The following DPYD variants were observed in gnomAD, a reference collection of about 807,000 sequenced individuals.
DPYD encodes the protein dihydropyrimidine dehydrogenase [NADP(+)].
A neutral mutation model predicts 116.2 loss-of-function variants in DPYD; 109 were observed. That is an observed-to-expected ratio of 0.94 (90% CI 0.80 to 1.10). The LOEUF (loss-of-function observed/expected upper bound fraction) is 1.10, where lower values mean the gene tolerates loss of function less well. Among genes scored for constraint, DPYD ranks in the 50% least tolerant of loss-of-function variants. DPYD has a pLI of 0.00. For synonymous variants in DPYD, 440 were observed against 432.0 expected, an observed-to-expected ratio of 1.02 and a Z score of -0.23; for missense variants, 1,302 against 1,254.5, an observed-to-expected ratio of 1.04 and a Z score of -0.57.
chr1:97,083,141 T>TAA (rs1467088319), intron 21 of DPYD, among the ~76,000 whole-genome samples: 1 of 152,196 alleles, frequency 6.6e-6, no homozygotes, highest in Non-Finnish European at 1.5e-5. Flanking sequence ...ATTGCTTTGT[T>TAA]CTTCATACTA....
intron 3 of DPYD, among the ~76,000 whole-genome samples, chr1:97,817,145 C>CAGAT (rs1252380174): frequency 4.6e-5 from 7 of 152,100 alleles, no homozygotes; most frequent in Non-Finnish European, 1.0e-4. Flanking sequence ...ATATGGTCTA[C>CAGAT]AGATGCCTTT....
At chr1:97,721,469 G>T in intron 5 of DPYD, 41 bp downstream of exon 5, 3 of 1,607,114 alleles carry the variant, frequency 1.9e-6, no homozygotes, top group South Asian at 2.2e-5. Flanking sequence ...TTTGTGCATG[G>T]TGATGGTAGT....
chr1:97,323,506 A>T (rs962105378), intron 16 of DPYD, among the ~76,000 whole-genome samples: 31 of 50,662 alleles, frequency 6.1e-4, no homozygotes, highest in Non-Finnish European at 1.3e-3. Flanking sequence ...TATCATATGT[A>T]CATATGTGTA....
intron 11 of DPYD, among the ~76,000 whole-genome samples, chr1:97,568,271 A>G (rs1652671162): frequency 6.6e-6 from 1 of 152,194 alleles, no homozygotes; most frequent in Non-Finnish European, 1.5e-5. Context: ...AACAACATGA[A>G]TAGCTACATA....
At chr1:97,401,312 T>TTTTGTTTG (rs1027746462) in intron 14 of DPYD, among the ~76,000 whole-genome samples, 2 of 151,970 alleles carry the variant, frequency 1.3e-5, no homozygotes. Context: ...GGAAGTTTTT[T>TTTTGTTTG]TTTGTTTGTT....
intron 13 of DPYD, among the ~76,000 whole-genome samples, chr1:97,459,092 C>T (rs559280615): frequency 6.6e-6 from 1 of 151,804 alleles, no homozygotes; most frequent in South Asian, 2.1e-4. Context: ...ATACGAGAGA[C>T]TTGAATGTAT....
intron 19 of DPYD, among the ~76,000 whole-genome samples, chr1:97,221,488 AAAGGC>A (rs1660766907): frequency 6.6e-6 from 1 of 152,134 alleles, no homozygotes; most frequent in Non-Finnish European, 1.5e-5. Context: ...AACATATGGA[AAAGGC>A]TTTTTGAAAA....
At chr1:97,786,677 C>G (rs755991301) in intron 3 of DPYD, among the ~76,000 whole-genome samples, 3 of 152,182 alleles carry the variant, frequency 2.0e-5, no homozygotes, top group Non-Finnish European at 1.5e-5. Flanking sequence ...AAGAGCAGCA[C>G]TATTTTTAGG....
intron 19 of DPYD, among the ~76,000 whole-genome samples, chr1:97,203,036 C>A (rs990923283): frequency 6.6e-6 from 1 of 152,114 alleles, no homozygotes; most frequent in Non-Finnish European, 1.5e-5. Flanking sequence ...CCTATGCAGC[C>A]CATTCTTTGG....
At chr1:97,832,518 T>C (rs900889316) in intron 2 of DPYD, among the ~76,000 whole-genome samples, 2 of 152,048 alleles carry the variant, frequency 1.3e-5, no homozygotes, top group African/African-American at 2.4e-5. Flanking sequence ...TGTAGAAAAA[T>C]ATGGAATCCA....
chr1:97,772,548 G>A (rs1010339626), intron 3 of DPYD, among the ~76,000 whole-genome samples: 1 of 152,184 alleles, frequency 6.6e-6, no homozygotes, highest in African/African-American at 2.4e-5. Flanking sequence ...GTAAGCATTT[G>A]ATGAGGAAAC....
chr1:97,568,313 A>G (rs1210702178), intron 11 of DPYD, among the ~76,000 whole-genome samples: 1 of 152,132 alleles, frequency 6.6e-6, no homozygotes, highest in Non-Finnish European at 1.5e-5. Context: ...AATTACTAAA[A>G]TATGGTTTTG....
At chr1:97,303,989 T>A (rs1300544580) in intron 18 of DPYD, among the ~76,000 whole-genome samples, 9 of 152,034 alleles carry the variant, frequency 5.9e-5, no homozygotes, top group Admixed American at 5.9e-4. Context: ...TTTTGTAGTT[T>A]TATTAGACTG....
At chr1:97,894,875 C>T (rs1672975127) in intron 1 of DPYD, among the ~76,000 whole-genome samples, 1 of 151,556 alleles carries the variant, frequency 6.6e-6, no homozygotes, top group South Asian at 2.1e-4. Flanking sequence ...CCATATATTA[C>T]ATATTTAAAT....
chr1:97,769,356 T>A (rs1207786252), intron 3 of DPYD, among the ~76,000 whole-genome samples: 1 of 152,164 alleles, frequency 6.6e-6, no homozygotes, highest in Non-Finnish European at 1.5e-5. Flanking sequence ...GAAAAAACAC[T>A]ATTTTTAACA....
intron 4 of DPYD, among the ~76,000 whole-genome samples, chr1:97,737,705 T>G (rs1460573796): frequency 6.6e-6 from 1 of 152,130 alleles, no homozygotes; most frequent in South Asian, 2.1e-4. Flanking sequence ...AGCTGTAATA[T>G]GTGTGTGTGT....
chr1:97,569,409 A>T (rs1434076141), intron 11 of DPYD, among the ~76,000 whole-genome samples: 1 of 148,280 alleles, frequency 6.7e-6, no homozygotes, highest in Non-Finnish European at 1.5e-5. Flanking sequence ...TTTATATCAT[A>T]TATAGAAATA....
At chr1:97,777,454 T>C (rs1221872972) in intron 3 of DPYD, among the ~76,000 whole-genome samples, 2 of 152,170 alleles carry the variant, frequency 1.3e-5, no homozygotes, top group African/African-American at 2.4e-5. Flanking sequence ...ACACAAAATA[T>C]TCTGTGGATA....
chr1:97,865,681 T>C (rs562212899), intron 2 of DPYD, among the ~76,000 whole-genome samples: 1 of 152,046 alleles, frequency 6.6e-6, no homozygotes, highest in African/African-American at 2.4e-5. Context: ...ATAACAATTA[T>C]GTGCCAATTA....
Sources: gnomAD v4.1 joint callset for allele counts (sites outside exome capture counted in the v4.1 genomes callset) on GRCh38, gnomAD v4.1.1 for gene constraint, MANE v1.5 for transcripts, NCBI Gene and HGNC (gene_info 2026-07-23, HGNC 2026-07-21) for gene names.